NRXN3: variants seen among roughly 807,000 people sequenced by gnomAD.
NRXN3 encodes the protein neurexin III.
NRXN3 carries 32 observed loss-of-function variants against 137.6 expected under a neutral mutation model. That is an observed-to-expected ratio of 0.23 (90% CI 0.18 to 0.31). NRXN3 has a LOEUF of 0.31. NRXN3 is among the 10% of genes least tolerant of loss of function. The probability of loss-of-function intolerance (pLI) is 1.00; values close to 1 mark genes in which losing one functional copy is unlikely to be tolerated. For synonymous variants in NRXN3, 798 were observed against 784.5 expected, an observed-to-expected ratio of 1.02 and a Z score of -0.29; for missense variants, 1,574 against 2,062.5, an observed-to-expected ratio of 0.76 and a Z score of 4.59.
chr14:79,247,892 A>G (rs544810428), intron 15 of NRXN3, among the ~76,000 whole-genome samples: 1 of 150,854 alleles, frequency 6.6e-6, no homozygotes, highest in East Asian at 2.0e-4. Flanking sequence ...CTTCATAAAA[A>G]AATTAAAAAA....
chr14:78,367,261 T>C (rs1035727778), intron 4 of NRXN3, among the ~76,000 whole-genome samples: 1 of 152,162 alleles, frequency 6.6e-6, no homozygotes, highest in Non-Finnish European at 1.5e-5. Context: ...TCTTGCTTAG[T>C]CTGTGGTTGT....
At chr14:79,560,504 C>CTGTTTTTTTTTTT (rs2097481927) in intron 16 of NRXN3, among the ~76,000 whole-genome samples, 2 of 43,764 alleles carry the variant, frequency 4.6e-5, no homozygotes, top group Non-Finnish European at 8.1e-5. Flanking sequence ...AGATTGTAAG[C>CTGTTTTTTTTTTT]TTTTTTTTTT....
chr14:79,283,638 A>G (rs7153826), intron 15 of NRXN3, among the ~76,000 whole-genome samples: 1 of 151,980 alleles, frequency 6.6e-6, no homozygotes, highest in Non-Finnish European at 1.5e-5. Flanking sequence ...GGTGCCCCCA[A>G]AAAATCTCAC....
intron 15 of NRXN3, among the ~76,000 whole-genome samples, chr14:79,295,804 A>G (rs2083991814): frequency 1.3e-5 from 2 of 152,208 alleles, no homozygotes; most frequent in South Asian, 4.1e-4. Context: ...TTCACGTTGC[A>G]GCTGACTCCA....
chr14:79,388,755 G>A (rs1409073029), intron 15 of NRXN3, among the ~76,000 whole-genome samples: 1 of 152,130 alleles, frequency 6.6e-6, no homozygotes, highest in East Asian at 1.9e-4. Flanking sequence ...CGGTGAGATG[G>A]TTTGCCTGGG....
chr14:79,130,941 G>A (rs1340243352), intron 15 of NRXN3, among the ~76,000 whole-genome samples: 59 of 151,770 alleles, frequency 3.9e-4, no homozygotes, highest in African/African-American at 5.3e-4. Context: ...ATCTTCCATC[G>A]CTGATACCCT....
chr14:78,200,826 C>T lies in NRXN3; in HGVS notation c.-704+30152C>T, dbSNP rs1339381755. Among the ~76,000 whole-genome samples the T allele has an allele frequency of 2.0e-5, 3 of 152,152 alleles. No homozygotes were observed. In the East Asian group the frequency reaches 5.8e-4, roughly 29 times the overall value. ...CATGCAAAGAACCTTCCCCAGACTT[C>T]AGTGGGAGATCTATTGTTTGATCAT... On this transcript the variant is annotated intron_variant, in intron 1 of 20. Coordinates refer to ENST00000335750, the MANE Select transcript of NRXN3 (RefSeq NM_001330195.2).
intron 2 of NRXN3, among the ~76,000 whole-genome samples, chr14:78,274,916 G>T (rs2073357646): frequency 1.3e-5 from 2 of 152,174 alleles, no homozygotes; most frequent in African/African-American, 4.8e-5. Context: ...ACCTACTGAG[G>T]ACGTGTGTGA....
At chr14:78,743,046 T>C (rs1304055470) in intron 8 of NRXN3, among the ~76,000 whole-genome samples, 1 of 152,224 alleles carries the variant, frequency 6.6e-6, no homozygotes, top group African/African-American at 2.4e-5. Context: ...AGCACTCTTA[T>C]ATTGTCTGCT....
chr14:78,177,777 T>G (rs751881320), intron 1 of NRXN3: 1 of 152,146 alleles, frequency 6.6e-6, no homozygotes, highest in Non-Finnish European at 1.5e-5. Context: ...AAAACCTGGA[T>G]CTTCTGAGTA....
chr14:79,052,522 T>C (rs1177574779), intron 15 of NRXN3, among the ~76,000 whole-genome samples: 1 of 152,222 alleles, frequency 6.6e-6, no homozygotes, highest in Non-Finnish European at 1.5e-5. Context: ...CTTGTCCTGA[T>C]GGATTGAGAC....
intron 16 of NRXN3, among the ~76,000 whole-genome samples, chr14:79,527,293 CAAAAAA>C (rs397954192): frequency 1.7e-5 from 1 of 58,672 alleles, no homozygotes; most frequent in Non-Finnish European, 3.0e-5. Context: ...GACTCTGTCT[CAAAAAA>C]AAAAAAAAAA....
intron 16 of NRXN3, among the ~76,000 whole-genome samples, chr14:79,579,338 T>C (rs2097693500): frequency 1.5e-5 from 2 of 134,186 alleles, no homozygotes; most frequent in African/African-American, 6.0e-5. Flanking sequence ...GTGTGAGATA[T>C]ATATATATTT....
At chr14:79,415,231 T>G (rs1218945309) in intron 15 of NRXN3, among the ~76,000 whole-genome samples, 1 of 152,148 alleles carries the variant, frequency 6.6e-6, no homozygotes, top group Non-Finnish European at 1.5e-5. Context: ...TGATTTCACA[T>G]TTTTTGGATA....
rs74064954 is a variant in NRXN3, at chr14:78,767,280, C to G, written c.2045-36340C>G. Among the ~76,000 whole-genome samples, 1,408 of 152,278 alleles carry G rather than the reference C, an allele frequency of 9.2e-3. 28 individuals are homozygous for G. The highest frequency in any genetic ancestry group is 0.059 in the East Asian group (306 of 5,176). On this transcript the variant is annotated intron_variant, in intron 8 of 20. Transcript: ENST00000335750. ...ACATGTGGCCTTTCCATAGGTGTTTCATAATATAGCAGCTTCTTCAAAGTT... is the reference window on the plus strand; with the variant it reads ...ACATGTGGCCTTTCCATAGGTGTTTGATAATATAGCAGCTTCTTCAAAGTT...
chr14:79,330,248 T>C (rs2091488196), intron 15 of NRXN3, among the ~76,000 whole-genome samples: 1 of 152,190 alleles, frequency 6.6e-6, no homozygotes, highest in South Asian at 2.1e-4. Context: ...AGGTATGAGA[T>C]GATAACAACT....
At chr14:79,318,566 C>T (rs1423676579) in intron 15 of NRXN3, among the ~76,000 whole-genome samples, 1 of 152,194 alleles carries the variant, frequency 6.6e-6, no homozygotes, top group African/African-American at 2.4e-5. Context: ...AGTTGCCAAC[C>T]TTGAGCCATT....
intron 10 of NRXN3, among the ~76,000 whole-genome samples, chr14:78,857,462 A>G (rs2099060670): frequency 6.6e-6 from 1 of 152,078 alleles, no homozygotes; most frequent in African/African-American, 2.4e-5. Flanking sequence ...ATGCGTCCAA[A>G]CTCTGTAATT....
At chr14:79,348,225 T>C (rs2092996703) in intron 15 of NRXN3, among the ~76,000 whole-genome samples, 1 of 152,178 alleles carries the variant, frequency 6.6e-6, no homozygotes, top group Non-Finnish European at 1.5e-5. Context: ...AACTATATGA[T>C]GTAAGTAGGC....
Sources: allele counts gnomAD v4.1 joint callset (sites outside exome capture counted in the v4.1 genomes callset), GRCh38; gene constraint gnomAD v4.1.1; transcripts MANE v1.5; gene names NCBI Gene and HGNC (gene_info 2026-07-23, HGNC 2026-07-21).